CNTN5: variants seen among roughly 807,000 people sequenced by gnomAD.
CNTN5 encodes contactin-5.
A neutral mutation model predicts 129.1 loss-of-function variants in CNTN5; 77 were observed. The ratio of observed to expected loss-of-function variants is 0.60; its 90% CI spans 0.50 to 0.72. The LOEUF is 0.72. Ranked by LOEUF, CNTN5 falls within the 30% of genes least tolerant of loss-of-function variation. The pLI, the probability that CNTN5 is intolerant of heterozygous loss-of-function variation, is 0.00. For missense variants in CNTN5, 1,478 were observed against 1,328.8 expected (o/e 1.11, Z -1.75); for synonymous variants, 509 against 465.6 (o/e 1.09, Z -1.20).
intron 13 of CNTN5, among the ~76,000 whole-genome samples, chr11:100,172,092 G>A (rs957435694): frequency 1.3e-5 from 2 of 151,896 alleles, no homozygotes; most frequent in Non-Finnish European, 1.5e-5. Flanking sequence ...GACAGTAATT[G>A]CAATCCAGTC....
chr11:99,875,113 T>C (rs1016273449), intron 6 of CNTN5, among the ~76,000 whole-genome samples: 4 of 152,302 alleles, frequency 2.6e-5, no homozygotes, highest in Non-Finnish European at 5.9e-5. Context: ...TTGAGGATTA[T>C]AGTTTTCTTA....
intron 1 of CNTN5, among the ~76,000 whole-genome samples, chr11:99,128,801 C>T (rs2135427276): frequency 6.6e-6 from 1 of 152,168 alleles, no homozygotes; most frequent in East Asian, 1.9e-4. Flanking sequence ...TCTACAGCCT[C>T]CACTGGTGAT....
intron 24 of CNTN5, among the ~76,000 whole-genome samples, chr11:100,355,095 T>A (rs1952492522): frequency 6.6e-6 from 1 of 151,768 alleles, no homozygotes; most frequent in African/African-American, 2.4e-5. Context: ...CTTTATAAAC[T>A]TTAAATTTTA....
At chr11:99,152,870 T>C (rs1028852404) in intron 1 of CNTN5, among the ~76,000 whole-genome samples, 5 of 152,230 alleles carry the variant, frequency 3.3e-5, no homozygotes, top group African/African-American at 1.2e-4. Context: ...TTTCCTTGTC[T>C]GAAAAGGTCA....
At chr11:99,169,623 C>T (rs772613705) in intron 1 of CNTN5, among the ~76,000 whole-genome samples, 4 of 151,976 alleles carry the variant, frequency 2.6e-5, no homozygotes, top group African/African-American at 7.3e-5. Context: ...TCTTTTGCAT[C>T]GGCTCCTTAA....
intron 3 of CNTN5, among the ~76,000 whole-genome samples, chr11:99,694,800 C>G (rs1954197348): frequency 6.6e-6 from 1 of 151,998 alleles, no homozygotes; most frequent in Non-Finnish European, 1.5e-5. Flanking sequence ...TGAGGTACCA[C>G]TTTGTAAGTA....
chr11:100,348,962 A>G (rs1368695950), intron 23 of CNTN5, among the ~76,000 whole-genome samples: 1 of 152,006 alleles, frequency 6.6e-6, no homozygotes, highest in African/African-American at 2.4e-5. Flanking sequence ...GGTATGTAGT[A>G]CTATGCCTGG....
chr11:100,002,939 C>T (rs965942231), intron 9 of CNTN5, among the ~76,000 whole-genome samples: 1 of 151,610 alleles, frequency 6.6e-6, no homozygotes, highest in African/African-American at 2.4e-5. Context: ...AATTACTTAA[C>T]TTCAGTTGCA....
At chr11:99,093,259 G>T (rs1327318636) in intron 1 of CNTN5, among the ~76,000 whole-genome samples, 1 of 151,938 alleles carries the variant, frequency 6.6e-6, no homozygotes, top group Non-Finnish European at 1.5e-5. Context: ...AGTTGTAATA[G>T]ATATTAATTA....
chr11:99,500,287 A>G (rs2135380232), intron 2 of CNTN5, among the ~76,000 whole-genome samples: 1 of 152,340 alleles, frequency 6.6e-6, no homozygotes, highest in East Asian at 1.9e-4. Flanking sequence ...GCATTTGAAC[A>G]AATGGATTAA....
intron 13 of CNTN5, among the ~76,000 whole-genome samples, chr11:100,182,832 T>C (rs935500364): frequency 2.0e-5 from 3 of 151,810 alleles, no homozygotes; most frequent in African/African-American, 7.3e-5. Flanking sequence ...TGGAAAAACA[T>C]TGAGAAATGC....
chr11:99,709,084 G>A (rs1360368355), intron 3 of CNTN5, among the ~76,000 whole-genome samples: 2 of 151,740 alleles, frequency 1.3e-5, no homozygotes, highest in African/African-American at 4.8e-5. Flanking sequence ...TAAATGACAT[G>A]CAAATTTCTT....
Position 99,403,254 on chromosome 11 carries a change from C to A in CNTN5, c.-71+77770C>A, listed in dbSNP as rs138556522. On this transcript the variant is annotated intron_variant, in intron 2 of 24. Transcript: ENST00000524871. ...TGACCTCGTGATCTGCCTGCCTCAACCTTCCAAACTGCTGGGATTACAGGC... is the reference window on the plus strand; with the variant it reads ...TGACCTCGTGATCTGCCTGCCTCAAACTTCCAAACTGCTGGGATTACAGGC... 8.7e-4 allele frequency among the ~76,000 whole-genome samples: 133 copies of A among 152,286 alleles called. 1 individual carries two copies. The East Asian group carries it at 0.023, about 26-fold the overall frequency.
intron 1 of CNTN5, among the ~76,000 whole-genome samples, chr11:99,301,771 G>GA (rs1227044384): frequency 6.6e-6 from 1 of 151,544 alleles, no homozygotes. Flanking sequence ...CCCAATAACA[G>GA]AAAAAATGTG....
chr11:99,422,423 G>T (rs908126443), intron 2 of CNTN5, among the ~76,000 whole-genome samples: 1 of 149,816 alleles, frequency 6.7e-6, no homozygotes, highest in Non-Finnish European at 1.5e-5. Flanking sequence ...ACTGGGACAG[G>T]TAGAGGTGGG....
chr11:99,320,276 T>C (rs1865515309), intron 1 of CNTN5, among the ~76,000 whole-genome samples: 1 of 152,078 alleles, frequency 6.6e-6, no homozygotes, highest in South Asian at 2.1e-4. Flanking sequence ...TTAGGATATA[T>C]GGTTTATACA....
intron 3 of CNTN5, among the ~76,000 whole-genome samples, chr11:99,626,539 C>T (rs1304359155): frequency 6.6e-6 from 1 of 152,120 alleles, no homozygotes; most frequent in Non-Finnish European, 1.5e-5. Flanking sequence ...AAGAAGTCTT[C>T]TATTGCCCCA....
At chr11:99,854,335 T>C (rs1430177344) in intron 6 of CNTN5, among the ~76,000 whole-genome samples, 2 of 152,330 alleles carry the variant, frequency 1.3e-5, no homozygotes, top group Non-Finnish European at 2.9e-5. Context: ...CATGGAAGTT[T>C]GTAATTTGCC....
At chr11:99,173,631 G>A (rs1857632231) in intron 1 of CNTN5, among the ~76,000 whole-genome samples, 1 of 152,136 alleles carries the variant, frequency 6.6e-6, no homozygotes, top group Non-Finnish European at 1.5e-5. Flanking sequence ...ACAATTTTCT[G>A]AACAATTATG....
Sources: gnomAD v4.1 joint callset for allele counts (sites outside exome capture counted in the v4.1 genomes callset) on GRCh38, gnomAD v4.1.1 for gene constraint, MANE v1.5 for transcripts, NCBI Gene and HGNC (gene_info 2026-07-23, HGNC 2026-07-21) for gene names.